The following RYR2 variants were observed in gnomAD, a reference collection of about 807,000 sequenced individuals.
RYR2 encodes cardiac muscle ryanodine receptor-calcium release channel.
RYR2 carries 227 observed loss-of-function variants against 601.1 expected under a neutral mutation model. The observed-to-expected ratio is 0.38, with a 90% CI of 0.34 to 0.42. RYR2 has a LOEUF of 0.42. Among genes scored for constraint, RYR2 ranks in the 10% least tolerant of loss-of-function variants. The pLI is 1.00. For missense variants in RYR2, 4,646 were observed against 6,156.5 expected, an observed-to-expected ratio of 0.75 and a Z score of 8.21; for synonymous variants, 2,223 against 2,175.1, an observed-to-expected ratio of 1.02 and a Z score of -0.61.
intron 27 of RYR2, 127 bp from the exon 28 acceptor site, chr1:237,566,440 T>A (rs751390668): frequency 5.2e-5 from 50 of 953,348 alleles, no homozygotes; most frequent in Non-Finnish European, 7.1e-5. Flanking sequence ...AAGGTATCAT[T>A]ATCATCATCG....
intron 2 of RYR2, among the ~76,000 whole-genome samples, chr1:237,322,696 A>G (rs1695739843): frequency 6.6e-6 from 1 of 152,078 alleles, no homozygotes; most frequent in South Asian, 2.1e-4. Flanking sequence ...ACTGCAAATA[A>G]CAAGTATTTG....
At chr1:237,128,062 G>A (rs1266197212) in intron 1 of RYR2, among the ~76,000 whole-genome samples, 19 of 152,192 alleles carry the variant, frequency 1.2e-4, no homozygotes, top group South Asian at 2.1e-4. Flanking sequence ...GTAGCGAGCC[G>A]AGATCACGCC....
chr1:237,268,455 T>C (rs1324526147), intron 1 of RYR2, among the ~76,000 whole-genome samples: 1 of 152,202 alleles, frequency 6.6e-6, no homozygotes, highest in African/African-American at 2.4e-5. Flanking sequence ...TATTCAGATA[T>C]ACCCATCCTA....
In RYR2 at chr1:237,795,281, T is replaced by C. The variant is rs1658966034; in HGVS notation, c.13914-8T>C. Reference sequence around the variant, plus strand: ...TACTATTTACTTCTATGCTTTTGTATATTTTAGGTCATTTCCCAACAACTA... The same window carrying C: ...TACTATTTACTTCTATGCTTTTGTACATTTTAGGTCATTTCCCAACAACTA... On this transcript the variant is annotated splice_region_variant and splice_polypyrimidine_tract_variant and intron_variant, in intron 95 of 104. Transcript: ENST00000366574. The C allele has an allele frequency of 7.6e-7, 1 of 1,312,402 alleles. No homozygotes were observed. Among genetic ancestry groups the C allele is most frequent in the South Asian group, 1.4e-5 (1 of 72,098 alleles). 81.3% of individuals were successfully genotyped at this position (1,312,402 alleles called of 1,614,324 possible).
intron 33 of RYR2, among the ~76,000 whole-genome samples, chr1:237,594,886 GTTT>G (rs776702428): frequency 0.01 from 615 of 60,448 alleles, 69 homozygotes; most frequent in African/African-American, 0.056. Flanking sequence ...ATATCACTGG[GTTT>G]TTTTTTTTTT....
chr1:237,194,983 TG>T (rs1680393175), intron 1 of RYR2, among the ~76,000 whole-genome samples: 1 of 152,198 alleles, frequency 6.6e-6, no homozygotes, highest in South Asian at 2.1e-4. Flanking sequence ...ACACAGTGCC[TG>T]GCACCTATTA....
At chr1:237,098,704 T>C (rs770581003) in intron 1 of RYR2, among the ~76,000 whole-genome samples, 5 of 152,144 alleles carry the variant, frequency 3.3e-5, no homozygotes, top group Non-Finnish European at 5.9e-5. Context: ...ATGATCTCAC[T>C]TACATGTGGA....
chr1:237,221,649 T>C (rs905820055), intron 1 of RYR2, among the ~76,000 whole-genome samples: 8 of 152,262 alleles, frequency 5.3e-5, no homozygotes, highest in Admixed American at 4.6e-4. Flanking sequence ...TTTCCTTTAT[T>C]AGCTAAATTC....
chr1:237,563,460 A>G (rs1217972513), intron 27 of RYR2, among the ~76,000 whole-genome samples: 3 of 130,016 alleles, frequency 2.3e-5, no homozygotes, highest in Non-Finnish European at 5.1e-5. Context: ...AGATTAAAAA[A>G]GAAAAAGAAG....
chr1:237,799,919 C>CTCCAA (rs1659749201), intron 97 of RYR2: 1 of 152,166 alleles, frequency 6.6e-6, no homozygotes, highest in Non-Finnish European at 1.5e-5. Flanking sequence ...CTCCAAAACT[C>CTCCAA]ACCTTCCTGG....
At chr1:237,721,586 C>T (rs1363816740) in intron 73 of RYR2, among the ~76,000 whole-genome samples, 1 of 152,088 alleles carries the variant, frequency 6.6e-6, no homozygotes, top group African/African-American at 2.4e-5. Flanking sequence ...GGTGCAATCT[C>T]GGTTCACTGC....
chr1:237,483,961 T>G (rs992022403), intron 17 of RYR2, among the ~76,000 whole-genome samples: 1 of 152,234 alleles, frequency 6.6e-6, no homozygotes, highest in Non-Finnish European at 1.5e-5. Context: ...TGATTGTGAC[T>G]TCTTTCGCTG....
rs1042407427 is a variant in RYR2, at chr1:237,180,206, G to A, written c.49-90291G>A. 3.3e-5 allele frequency among the ~76,000 whole-genome samples: 5 copies of A among 150,988 alleles called. No homozygotes were observed. Among genetic ancestry groups the A allele is most frequent in the African/African-American group, 1.2e-4 (5 of 40,338 alleles). ...CATTTGGTCCCCAGGTCAGGAAGGC[G>A]AGGCTCCTGGGGCTGGCTAGAGGAC... is the stretch of plus-strand genomic sequence containing the variant. On this transcript the variant is annotated intron_variant, in intron 1 of 104. Transcript: ENST00000366574. This position sits in a 1 kb window ranked among gnomAD's most constrained non-coding sequence, Gnocchi z 5.3.
chr1:237,342,155 CTT>C (rs11351962), intron 3 of RYR2, among the ~76,000 whole-genome samples: 4,060 of 147,648 alleles, frequency 0.027, 177 homozygotes, highest in African/African-American at 0.092. Context: ...AAATAACTTC[CTT>C]TTTTTTTTTT....
intron 1 of RYR2, among the ~76,000 whole-genome samples, chr1:237,057,011 G>A (rs189299705): frequency 6.6e-6 from 1 of 152,294 alleles, no homozygotes. Context: ...AGCAGTAGGA[G>A]TCGAATTCAA....
chr1:237,818,295 G>C (rs1662063101), intron 100 of RYR2, among the ~76,000 whole-genome samples: 1 of 152,136 alleles, frequency 6.6e-6, no homozygotes, highest in Non-Finnish European at 1.5e-5. Flanking sequence ...TAGAGATCAA[G>C]GGATCTTTTT....
chr1:237,589,265 TG>T (rs1163197362), intron 29 of RYR2, among the ~76,000 whole-genome samples: 1 of 152,186 alleles, frequency 6.6e-6, no homozygotes, highest in Non-Finnish European at 1.5e-5. Context: ...TATTAGTAGA[TG>T]GAAAACTTTT....
intron 1 of RYR2, among the ~76,000 whole-genome samples, chr1:237,219,010 A>AT (rs754644450): frequency 0.17 from 20,544 of 121,704 alleles, 2,060 homozygotes; most frequent in East Asian, 0.32. Context: ...CTTATACTTG[A>AT]TTTTTTTTTT....
intron 2 of RYR2, among the ~76,000 whole-genome samples, chr1:237,285,644 T>G (rs1691477947): frequency 1.3e-5 from 2 of 152,172 alleles, no homozygotes; most frequent in Non-Finnish European, 2.9e-5. Context: ...GCAGTGAATC[T>G]GTCTGGTCCT....
Sources: gnomAD v4.1 joint callset for allele counts (sites outside exome capture counted in the v4.1 genomes callset) on GRCh38, gnomAD v4.1.1 for gene constraint, Gnocchi (gnomAD v3.1) non-coding constraint, MANE v1.5 for transcripts, NCBI Gene and HGNC (gene_info 2026-07-23, HGNC 2026-07-21) for gene names.